Variants in NIN observed in about 807,000 individuals in gnomAD.
NIN encodes the protein ninein, also known as glycogen synthase kinase 3 beta-interacting protein.
A neutral mutation model predicts 257.6 loss-of-function variants in NIN; 137 were observed. The observed-to-expected ratio is 0.53, with a 90% CI of 0.46 to 0.61. The LOEUF is 0.61. Ranked by LOEUF, NIN falls within the 20% of genes least tolerant of loss-of-function variation. The pLI is 0.00. For synonymous variants in NIN, 918 were observed against 919.8 expected (o/e 1.00, Z 0.04); for missense variants, 2,439 against 2,501.2 (o/e 0.98, Z 0.53).
intron 4 of NIN, among the ~76,000 whole-genome samples, chr14:50,800,033 C>CACACAA (rs1481016813): frequency 6.8e-6 from 1 of 147,168 alleles, no homozygotes; most frequent in Non-Finnish European, 1.5e-5. Context: ...CACACACACA[C>CACACAA]ACACACACAC....
At chr14:50,731,953 T>C (rs1455444506) in intron 28 of NIN, among the ~76,000 whole-genome samples, 2 of 152,228 alleles carry the variant, frequency 1.3e-5, no homozygotes, top group Non-Finnish European at 2.9e-5. Context: ...GTGTCTGAAA[T>C]GTTAGCTATC....
intron 12 of NIN, among the ~76,000 whole-genome samples, chr14:50,767,389 G>T (rs529340202): frequency 6.6e-6 from 1 of 152,304 alleles, no homozygotes; most frequent in East Asian, 1.9e-4. Flanking sequence ...GGCCACGTAT[G>T]TGTATCTATT....
intron 18 of NIN, among the ~76,000 whole-genome samples, chr14:50,756,033 A>T (rs2042010575): frequency 6.6e-6 from 1 of 152,128 alleles, no homozygotes; most frequent in African/African-American, 2.4e-5. Flanking sequence ...CTATAAAGAC[A>T]GAACATTTTT....
intron 4 of NIN, chr14:50,806,431 G>C (rs935565166): frequency 9.3e-6 from 2 of 214,274 alleles, no homozygotes; most frequent in Non-Finnish European, 1.8e-5. Flanking sequence ...CCATGTACAA[G>C]GAAACAAGGA....
In NIN at chr14:50,766,881, GACTGTTTT is replaced by G; in HGVS notation, c.1436_1443del (p.Glu479AlafsTer5). The G allele has an allele frequency of 1.2e-6, 2 of 1,611,296 alleles. No homozygotes were observed. The highest frequency in any genetic ancestry group is 1.7e-6 in the Non-Finnish European group (2 of 1,177,836). On this transcript the variant is annotated frameshift_variant and splice_region_variant, in exon 13 of 31. Transcript: ENST00000530997. LOFTEE classifies it high-confidence loss of function. Reference sequence around the variant, plus strand: ...TTTTCTAGAAGCTCATTTTCCAGACGACTGTTTTCCTGAACAAGTATGGGGAAATTAAA... The same window carrying G: ...TTTTCTAGAAGCTCATTTTCCAGACGCCTGAACAAGTATGGGGAAATTAAA...
At position 50,806,765 on chromosome 14, in the gene NIN, C is replaced by T; in HGVS notation, c.237G>A (p.Leu79=). The T allele has an allele frequency of 6.3e-7, 1 of 1,590,116 alleles. No homozygotes were observed. The change falls in exon 4 of 31, where the codon CTG becomes CTA. Residue 79 remains leucine (L), a synonymous_variant. Coordinates refer to ENST00000530997, the MANE Select transcript of NIN (RefSeq NM_020921.4). ...EALILILSRT[L]SNEEHFQEPD... is the part of the protein sequence containing the mutation. ...GTTCTTGAAAGTGTTCTTCATTTGACAGAGTTCTGGACAAGATGAGTATTA... is the reference window on the plus strand; with the variant it reads ...GTTCTTGAAAGTGTTCTTCATTTGATAGAGTTCTGGACAAGATGAGTATTA...
At chr14:50,768,077 AC>A (rs1159086632) in intron 12 of NIN, among the ~76,000 whole-genome samples, 11 of 151,276 alleles carry the variant, frequency 7.3e-5, no homozygotes, top group Non-Finnish European at 1.5e-4. Context: ...ACACACACAC[AC>A]ACACACACAC....
intron 25 of NIN, among the ~76,000 whole-genome samples, chr14:50,740,143 A>G (rs908340217): frequency 3.3e-5 from 5 of 152,020 alleles, no homozygotes; most frequent in African/African-American, 1.2e-4. Context: ...AAAAGGTACA[A>G]TCTCATTTTC....
At chr14:50,771,752 G>A (rs941679447) in intron 9 of NIN, among the ~76,000 whole-genome samples, 9 of 152,056 alleles carry the variant, frequency 5.9e-5, no homozygotes, top group Non-Finnish European at 8.8e-5. Flanking sequence ...TTGGGAGGCC[G>A]AGGCATGCGG....
At position 50,723,572 on chromosome 14, in the gene NIN, G is replaced by C; in HGVS notation, c.6293C>G (p.Thr2098Arg). 6.2e-7 allele frequency: 1 copy of C among 1,613,838 alleles called. No individual in the cohort carries two copies. Among genetic ancestry groups the C allele is most frequent in the Non-Finnish European group, 8.5e-7 (1 of 1,179,828 alleles). ...ALEVTEQRQKTAEKKNYLLEE... is the reference protein window; with the variant it reads ...ALEVTEQRQKRAEKKNYLLEE... ...CAGGAGGTAATTTTTCTTCTCTGCT[G>C]TTTTCTGTCGCTGTTCAGTCACTTC... Residue 2098 changes from threonine to arginine, a missense_variant, in exon 31 of 31, where the codon ACA (threonine) becomes AGA (arginine). Thr to Arg is a moderately conservative substitution (Grantham distance 71). Around this residue, in one of 3 missense-constraint regions of NIN, gnomAD observed 2,043 missense variants for 2,050.2 expected, o/e 1.00. Coordinates refer to ENST00000530997, the MANE Select transcript of NIN (RefSeq NM_020921.4).
intron 5 of NIN, among the ~76,000 whole-genome samples, chr14:50,791,565 A>C (rs1191239214): frequency 2.6e-5 from 4 of 152,066 alleles, no homozygotes; most frequent in Non-Finnish European, 5.9e-5. Flanking sequence ...TTTTAAAAAA[A>C]AATGATGCAG....
chr14:50,766,926 T>C, intron 12 of NIN, 36 bp from the exon 13 acceptor site: 1 of 1,412,024 alleles, frequency 7.1e-7, no homozygotes, highest in Non-Finnish European at 1.0e-6. Flanking sequence ...GTGGTACAGA[T>C]TAAGAAATTA....
intron 28 of NIN, among the ~76,000 whole-genome samples, chr14:50,734,601 A>G (rs181661791): frequency 1.3e-5 from 2 of 152,324 alleles, no homozygotes; most frequent in Admixed American, 1.3e-4. Context: ...CTATAATTAA[A>G]CTCGGTATTC....
chr14:50,761,498 C>T (rs746800721), intron 16 of NIN, among the ~76,000 whole-genome samples: 8 of 152,088 alleles, frequency 5.3e-5, no homozygotes, highest in Non-Finnish European at 1.0e-4. Flanking sequence ...AATGAAACAT[C>T]AAAGGGCTTT....
At position 50,760,369 on chromosome 14, in the gene NIN, CAG is replaced by C. The variant is rs760811963; in HGVS notation, c.1897-12_1897-11del. On this transcript the variant is annotated splice_polypyrimidine_tract_variant and intron_variant, in intron 16 of 30. Transcript: ENST00000530997. ...TTTCATAATGGCGCACCTGAAGGCA[CAG>C]AGTGACACCACCACAAGATTACTCA... 9 of 1,503,858 alleles carry C rather than the reference CAG, an allele frequency of 6.0e-6. No individual in the cohort carries two copies. The highest frequency in any genetic ancestry group is 7.1e-6 in the Non-Finnish European group (8 of 1,118,964). 93.2% of individuals were successfully genotyped at this position (1,503,858 alleles called of 1,614,324 possible).
At chr14:50,820,481 G>C (rs1459951789) in intron 3 of NIN, among the ~76,000 whole-genome samples, 1 of 152,104 alleles carries the variant, frequency 6.6e-6, no homozygotes, top group Non-Finnish European at 1.5e-5. Context: ...TCAGCCCATT[G>C]ATACTATCCT....
intron 18 of NIN, among the ~76,000 whole-genome samples, chr14:50,755,501 G>T (rs865975233): frequency 4.0e-5 from 6 of 150,610 alleles, no homozygotes; most frequent in Non-Finnish European, 8.9e-5. Context: ...TTTGCTAGAA[G>T]ACTATGCAAT....
intron 3 of NIN, among the ~76,000 whole-genome samples, chr14:50,818,233 G>A (rs1211498830): frequency 1.4e-5 from 2 of 148,078 alleles, no homozygotes; most frequent in African/African-American, 5.0e-5. Flanking sequence ...TGAGGCAGGA[G>A]AAAGGCGTGA....
At chr14:50,756,156 A>AT (rs1555379877) in intron 18 of NIN, among the ~76,000 whole-genome samples, 1,864 of 62,528 alleles carry the variant, frequency 0.03, 39 homozygotes, top group African/African-American at 0.14. Context: ...ACTTAGCAAA[A>AT]TAAAAAAAAA....
Sources: gnomAD v4.1 joint callset for allele counts (sites outside exome capture counted in the v4.1 genomes callset) on GRCh38, gnomAD v4.1.1 for gene constraint, gnomAD v4.1.1 regional missense constraint, MANE v1.5 for transcripts, NCBI Gene and HGNC (gene_info 2026-07-23, HGNC 2026-07-21) for gene names.